VMAC: variants seen among roughly 807,000 people sequenced by gnomAD.
VMAC encodes the protein vimentin type intermediate filament associated coiled-coil protein, also known as vimentin-type intermediate filament-associated coiled-coil protein.
Under a neutral mutation model 4.8 loss-of-function variants are expected in VMAC, and 8 were observed. That is an observed-to-expected ratio of 1.68 (90% CI 0.99 to 3.03). The LOEUF (loss-of-function observed/expected upper bound fraction) is 3.03, where lower values mean the gene tolerates loss of function less well. Ranked by LOEUF, VMAC falls within the 30% of genes most tolerant of loss-of-function variation. The probability of loss-of-function intolerance (pLI) is 0.00; values close to 1 mark genes in which losing one functional copy is unlikely to be tolerated. For synonymous variants in VMAC, 96 were observed against 113.7 expected (o/e 0.84, Z 0.99); for missense variants, 248 against 245.1 (o/e 1.01, Z -0.08).
chr19:5,907,391 G>A (rs1330523595), intron 1 of VMAC, among the ~76,000 whole-genome samples: 2 of 151,784 alleles, frequency 1.3e-5, no homozygotes, highest in Admixed American at 6.6e-5. Flanking sequence ...TAATGCCCAC[G>A]TGGTGTGGAA....
rs2057688487 is a variant in VMAC, at chr19:5,908,955, GCCGCCGCCGGCCA to G, written c.326_338del (p.Arg109ProfsTer108). 1 of 1,612,864 alleles carries G rather than the reference GCCGCCGCCGGCCA, an allele frequency of 6.2e-7. No individual in the cohort carries two copies. Among genetic ancestry groups the G allele is most frequent in the Non-Finnish European group, 8.5e-7 (1 of 1,179,704 alleles). ...CGGGCTGAGCTGCTGCAGGACATCT[GCCGCCGCCGGCCA>G]CCCCTGGCTGGGCTGCTGGATGCCC... On this transcript the variant is annotated frameshift_variant, in exon 2 of 2. Transcript: ENST00000339485. LOFTEE classifies it low-confidence loss of function (END_TRUNC). The surrounding 1 kb of genome is among the most constrained non-coding windows in gnomAD (Gnocchi z 4.5).
chr19:5,909,295 C>T lies in VMAC; in HGVS notation c.*153C>T. The T allele has an allele frequency of 1.3e-6, 1 of 757,676 alleles. No individual in the cohort carries two copies. Among genetic ancestry groups the T allele is most frequent in the Non-Finnish European group, 2.0e-6 (1 of 494,636 alleles). 46.9% of individuals were successfully genotyped at this position (757,676 alleles called of 1,614,324 possible). ...AACAGTCAAAAAGTTTTCAAATAGGCCCACAGGCCAGGTGCAGACGTTTAA... is the reference window on the plus strand; with the variant it reads ...AACAGTCAAAAAGTTTTCAAATAGGTCCACAGGCCAGGTGCAGACGTTTAA... On this transcript the variant is annotated 3_prime_UTR_variant, in exon 2 of 2. Coordinates refer to ENST00000339485, the MANE Select transcript of VMAC (RefSeq NM_001017921.4).
rs1568436262 is a variant in VMAC, at chr19:5,910,821, C to CTTTCTT, written c.*1682_*1683insCTTTTT. ...GAAATTCTGTTTTCTTTCTTTCTTT[C>CTTTCTT]TTTTTTTTTTAAAGAGACAAAGTCT... On this transcript the variant is annotated 3_prime_UTR_variant, in exon 2 of 2. Coordinates refer to ENST00000339485, the MANE Select transcript of VMAC (RefSeq NM_001017921.4). 2.8e-5 allele frequency: 4 copies of CTTTCTT among 142,954 alleles called. No individual in the cohort carries two copies. The allele number at this position is 142,954 out of a possible 1,614,324, so 8.9% of individuals were successfully genotyped here.
intron 1 of VMAC, among the ~76,000 whole-genome samples, 178 bp downstream of exon 1, chr19:5,905,259 A>G (rs1358143809): frequency 6.6e-6 from 1 of 152,242 alleles, no homozygotes; most frequent in Non-Finnish European, 1.5e-5. Flanking sequence ...TAAAGTTGCG[A>G]GAAGTGACAC....
Position 5,909,425 on chromosome 19 carries a change from C to A in VMAC, c.*283C>A. ...GATCTGGATTTCTGGCAAGACTTGG[C>A]CAAGCTTGCCTGGAGTTCAGGGCAC... On this transcript the variant is annotated 3_prime_UTR_variant, in exon 2 of 2. Coordinates refer to ENST00000339485, the MANE Select transcript of VMAC (RefSeq NM_001017921.4). 1 of 404,982 alleles carries A rather than the reference C, an allele frequency of 2.5e-6. No homozygotes were observed. Among genetic ancestry groups the A allele is most frequent in the Non-Finnish European group, 4.4e-6 (1 of 228,852 alleles). 25.1% of individuals were successfully genotyped at this position (404,982 alleles called of 1,614,324 possible). A position where few individuals can be genotyped will look rare whatever the true frequency, so the allele number is the denominator to read the frequency against.
chr19:5,905,020 C>T lies in VMAC; in HGVS notation c.130C>T (p.Leu44=). ...CACGGTGCACGCCCAAGCCGAGCGCCTGGCCCTCCACGACCAGCAGCTGCG... is the reference window on the plus strand; with the variant it reads ...CACGGTGCACGCCCAAGCCGAGCGCTTGGCCCTCCACGACCAGCAGCTGCG... The part of the protein sequence containing the change: ...ERTVHAQAER[L]ALHDQQLRAA... Residue 44 remains leucine, a synonymous_variant, in exon 1 of 2, where the codon CTG becomes TTG. Coordinates refer to ENST00000339485, the MANE Select transcript of VMAC (RefSeq NM_001017921.4). 2 of 1,410,550 alleles carry T rather than the reference C, an allele frequency of 1.4e-6. No homozygotes were observed. Among genetic ancestry groups the T allele is most frequent in the Non-Finnish European group, 1.8e-6 (2 of 1,090,974 alleles). 87.4% of individuals were successfully genotyped at this position (1,410,550 alleles called of 1,614,324 possible). A position where few individuals can be genotyped will look rare whatever the true frequency, so the allele number is the denominator to read the frequency against.
At chr19:5,905,563 G>C (rs1381239460) in intron 1 of VMAC, among the ~76,000 whole-genome samples, 2 of 152,134 alleles carry the variant, frequency 1.3e-5, no homozygotes, top group South Asian at 2.1e-4. Context: ...GGGATTACAG[G>C]CGCCCGCCAC....
At position 5,908,400 on chromosome 19, in the gene VMAC, T is replaced by C. The variant is rs967802653; in HGVS notation, c.192-424T>C. On this transcript the variant is annotated intron_variant, in intron 1 of 1. Transcript: ENST00000339485. The surrounding 1 kb of genome is among the most constrained non-coding windows in gnomAD (Gnocchi z 4.5). ...GAGAGGCCATGGCGGGTGGATCACG[T>C]GGTCAGGAGTTCGAGACCAGCCTGG... 6.6e-6 allele frequency among the ~76,000 whole-genome samples: 1 copy of C among 151,344 alleles called. No homozygotes were observed. Among genetic ancestry groups the C allele is most frequent in the African/African-American group, 2.4e-5 (1 of 41,094 alleles).
chr19:5,908,862 A>G lies in VMAC; in HGVS notation c.230A>G (p.Glu77Gly). The change falls in exon 2 of 2, where the codon GAA becomes GGA. Residue 77 changes from glutamate (E) to glycine (G), a missense_variant. Glu to Gly is a moderately conservative substitution (Grantham distance 98). Coordinates refer to ENST00000339485, the MANE Select transcript of VMAC (RefSeq NM_001017921.4). The surrounding 1 kb of genome is among the most constrained non-coding windows in gnomAD (Gnocchi z 4.5). ...ATLQEQLMTS[E>G]ATVHSLQATV... ...CTCCAGGAGCAGCTGATGACCTCAG[A>G]AGCCACTGTCCACAGCCTGCAGGCC... 6.2e-7 allele frequency: 1 copy of G among 1,613,950 alleles called. No homozygotes were observed. The highest frequency in any genetic ancestry group is 8.5e-7 in the Non-Finnish European group (1 of 1,179,986).
In VMAC at chr19:5,910,113, G is replaced by GT. The variant is rs1396750971; in HGVS notation, c.*972dup. The GT allele has an allele frequency of 2.0e-5, 3 of 152,270 alleles. No individual in the cohort carries two copies. The highest frequency in any genetic ancestry group is 7.2e-5 in the African/African-American group (3 of 41,448). 9.4% of individuals were successfully genotyped at this position (152,270 alleles called of 1,614,324 possible). On this transcript the variant is annotated 3_prime_UTR_variant, in exon 2 of 2. Transcript: ENST00000339485. ...GCGCCCGCCTGCCTGCCTGGCAACA[G>GT]TGACCCCTCAGTGCAGTAACAATGG...
In VMAC at chr19:5,908,477, A is replaced by ATG. The variant is rs2057686625; in HGVS notation, c.192-346_192-345insGT. ...TGAAGATACAAAAAACTAGCCGGGC[A>ATG]TAGTGGTGGGCACCTGTAATCCCAG... On this transcript the variant is annotated intron_variant, in intron 1 of 1. Transcript: ENST00000339485. This position sits in a 1 kb window ranked among gnomAD's most constrained non-coding sequence, Gnocchi z 4.5. Among the ~76,000 whole-genome samples the ATG allele has an allele frequency of 6.6e-6, 1 of 151,726 alleles. No homozygotes were observed. Among genetic ancestry groups the ATG allele is most frequent in the Non-Finnish European group, 1.5e-5 (1 of 67,920 alleles).
chr19:5,907,904 C>T (rs34366264), intron 1 of VMAC, among the ~76,000 whole-genome samples: 12,095 of 152,150 alleles, frequency 0.079, 516 homozygotes, highest in African/African-American at 0.098. Flanking sequence ...TTCCCGAGGC[C>T]ACCCCCAGCC....
intron 1 of VMAC, among the ~76,000 whole-genome samples, chr19:5,907,431 G>A (rs1001074792): frequency 8.6e-5 from 13 of 151,524 alleles, no homozygotes; most frequent in Non-Finnish European, 1.8e-4. Flanking sequence ...TGAATCATGG[G>A]GGATGGTTTC....
rs761806380 is a variant in VMAC, at chr19:5,910,168, G to A, written c.*1026G>A. ...ATTTTCTCCTCTGGATGAACAAGGAGGGGGGTTGTTTGTACAAAGGAAAGG... is the reference window on the plus strand; with the variant it reads ...ATTTTCTCCTCTGGATGAACAAGGAAGGGGGTTGTTTGTACAAAGGAAAGG... On this transcript the variant is annotated 3_prime_UTR_variant, in exon 2 of 2. Transcript: ENST00000339485. 2.0e-4 allele frequency: 31 copies of A among 152,308 alleles called. No homozygotes were observed. The highest frequency in any genetic ancestry group is 6.8e-4 in the African/African-American group (28 of 41,468). The allele number at this position is 152,308 out of a possible 1,614,324, so 9.4% of individuals were successfully genotyped here.
In VMAC at chr19:5,905,091, G is replaced by A. The variant is rs1161830091; in HGVS notation, c.191+10G>A. 9 of 1,339,762 alleles carry A rather than the reference G, an allele frequency of 6.7e-6. No individual in the cohort carries two copies. The highest frequency in any genetic ancestry group is 8.6e-6 in the Non-Finnish European group (9 of 1,050,236). 83.0% of individuals were successfully genotyped at this position (1,339,762 alleles called of 1,614,324 possible). A position where few individuals can be genotyped will look rare whatever the true frequency, so the allele number is the denominator to read the frequency against. ...GTCGCGCCAAGGACCGGTGAGGCCC[G>A]GGGCCGGCCAGGTGGACTTCACCGA... is the stretch of plus-strand genomic sequence containing the variant. On this transcript the variant is annotated intron_variant, in intron 1 of 1. Coordinates refer to ENST00000339485, the MANE Select transcript of VMAC (RefSeq NM_001017921.4).
At position 5,909,148 on chromosome 19, in the gene VMAC, G is replaced by C; in HGVS notation, c.*6G>C. 6.5e-7 allele frequency: 1 copy of C among 1,532,594 alleles called. No individual in the cohort carries two copies. The highest frequency in any genetic ancestry group is 1.2e-5 in the South Asian group (1 of 83,442). The allele number at this position is 1,532,594 out of a possible 1,614,324, so 94.9% of individuals were successfully genotyped here. Reference sequence around the variant, plus strand: ...TGTTTGGGACCACAGTGTGAGCCCGGAATGCAGATTACAGAATGGAGACAG... The same window carrying C: ...TGTTTGGGACCACAGTGTGAGCCCGCAATGCAGATTACAGAATGGAGACAG... On this transcript the variant is annotated 3_prime_UTR_variant, in exon 2 of 2. Transcript: ENST00000339485.
rs2057687351 is a variant in VMAC, at chr19:5,908,643, T to TAAC, written c.192-179_192-178insCAA. Among the ~76,000 whole-genome samples the TAAC allele has an allele frequency of 2.7e-5, 4 of 150,568 alleles. No homozygotes were observed. Among genetic ancestry groups the TAAC allele is most frequent in the Non-Finnish European group, 4.4e-5 (3 of 67,636 alleles). On this transcript the variant is annotated intron_variant, in intron 1 of 1. Coordinates refer to ENST00000339485, the MANE Select transcript of VMAC (RefSeq NM_001017921.4). The surrounding 1 kb of genome is among the most constrained non-coding windows in gnomAD (Gnocchi z 4.5). Reference sequence around the variant, plus strand: ...AAAAAAATAATAATAAAATAAAATATAATAATAATAATAAAAACAAAGAAA... The same window carrying TAAC: ...AAAAAAATAATAATAAAATAAAATATAACAATAATAATAATAAAAACAAAGAAA...
rs1310651064 is a variant in VMAC, at chr19:5,909,051, C to A, written c.419C>A (p.Pro140His). Residue 140 changes from proline (P) to histidine (H), a missense_variant, in exon 2 of 2, where the codon CCC (proline) becomes CAC (histidine). Coordinates refer to ENST00000339485, the MANE Select transcript of VMAC (RefSeq NM_001017921.4). ...LPASDPGHPPPGGPGPPLDNS... is the reference protein window; with the variant it reads ...LPASDPGHPPHGGPGPPLDNS... ...GCCAGTGACCCCGGCCACCCACCCC[C>A]CGGTGGGCCTGGTCCACCCCTTGAC... is the stretch of plus-strand genomic sequence containing the variant. 3 of 1,566,150 alleles carry A rather than the reference C, an allele frequency of 1.9e-6. No homozygotes were observed. The East Asian group carries it at 7.1e-5, about 37-fold the overall frequency.
At position 5,904,917 on chromosome 19, in the gene VMAC, C is replaced by T; in HGVS notation, c.27C>T (p.Ile9=). The change falls in exon 1 of 2, where the codon ATC becomes ATT. Residue 9 remains isoleucine, a synonymous_variant. Transcript: ENST00000339485. MSAPPALQ[I]REANAHLAAV... Reference sequence around the variant, plus strand: ...TGTCGGCGCCGCCGGCCCTGCAGATCCGGGAGGCAAACGCACACCTGGCAG... The same window carrying T: ...TGTCGGCGCCGCCGGCCCTGCAGATTCGGGAGGCAAACGCACACCTGGCAG... 1 of 1,490,256 alleles carries T rather than the reference C, an allele frequency of 6.7e-7. No individual in the cohort carries two copies. The highest frequency in any genetic ancestry group is 8.8e-7 in the Non-Finnish European group (1 of 1,130,582). 92.3% of individuals were successfully genotyped at this position (1,490,256 alleles called of 1,614,324 possible).
Sources: gnomAD v4.1 joint callset for allele counts (sites outside exome capture counted in the v4.1 genomes callset) on GRCh38, gnomAD v4.1.1 for gene constraint, Gnocchi (gnomAD v3.1) non-coding constraint, MANE v1.5 for transcripts, NCBI Gene and HGNC (gene_info 2026-07-23, HGNC 2026-07-21) for gene names.